The following REC114 variants were observed in gnomAD, a reference collection of about 807,000 sequenced individuals.
REC114 encodes the protein REC114 meiotic recombination protein.
REC114 carries 27 observed loss-of-function variants against 31.3 expected under a neutral mutation model. The observed-to-expected ratio is 0.86, with a 90% confidence interval of 0.64 to 1.19. REC114 has a LOEUF of 1.19. REC114 is among the 50% of genes most tolerant of loss of function. The probability of loss-of-function intolerance (pLI) is 0.00; values close to 1 mark genes in which losing one functional copy is unlikely to be tolerated. For missense variants in REC114, 344 were observed against 326.9 expected, an observed-to-expected ratio of 1.05 and a Z score of -0.40; for synonymous variants, 134 against 127.7, an observed-to-expected ratio of 1.05 and a Z score of -0.33.
chr15:73,473,017 G>C (rs1410928009), intron 1 of REC114, among the ~76,000 whole-genome samples: 2 of 152,110 alleles, frequency 1.3e-5, no homozygotes, highest in Non-Finnish European at 2.9e-5. Flanking sequence ...ATTATGGTAA[G>C]TTTATGGCAC....
chr15:73,550,221 CTAGATGTTTTTACACT>C (rs1165362651), intron 3 of REC114, among the ~76,000 whole-genome samples: 2 of 152,170 alleles, frequency 1.3e-5, no homozygotes, highest in East Asian at 3.8e-4. Context: ...TTGTTATAAT[CTAGATGTTTTTACACT>C]TAGATGTTTT....
intron 2 of REC114, among the ~76,000 whole-genome samples, chr15:73,478,221 G>A (rs962602093): frequency 2.3e-5 from 3 of 132,808 alleles, no homozygotes; most frequent in Non-Finnish European, 1.5e-5. Context: ...CCGACACGGT[G>A]CCACTGCACT....
chr15:73,449,074 CA>C (rs1892807053), intron 1 of REC114, among the ~76,000 whole-genome samples: 1 of 151,952 alleles, frequency 6.6e-6, no homozygotes, highest in African/African-American at 2.4e-5. Context: ...TTCCAAAAAC[CA>C]GAAAACCTCT....
chr15:73,509,335 A>G (rs1390083813), intron 2 of REC114, among the ~76,000 whole-genome samples: 2 of 148,028 alleles, frequency 1.4e-5, no homozygotes, highest in Non-Finnish European at 1.5e-5. Flanking sequence ...TAGATTCTGG[A>G]TATTAGCCCT....
chr15:73,517,338 A>T (rs991330865), intron 2 of REC114, among the ~76,000 whole-genome samples: 6 of 152,324 alleles, frequency 3.9e-5, no homozygotes, highest in Admixed American at 1.3e-4. Context: ...AAATTTTTTT[A>T]AAAGGTATCT....
chr15:73,508,288 T>C (rs1893710572), intron 2 of REC114, among the ~76,000 whole-genome samples: 1 of 152,154 alleles, frequency 6.6e-6, no homozygotes, highest in Non-Finnish European at 1.5e-5. Flanking sequence ...AATTTTAATA[T>C]ATTGTGTGTT....
At chr15:73,548,657 A>C (rs773078140) in intron 3 of REC114, among the ~76,000 whole-genome samples, 6 of 152,212 alleles carry the variant, frequency 3.9e-5, no homozygotes, top group Non-Finnish European at 8.8e-5. Context: ...CAAAGACCTA[A>C]AACACCATCT....
intron 2 of REC114, among the ~76,000 whole-genome samples, chr15:73,527,818 A>C (rs1894026807): frequency 6.6e-6 from 1 of 152,154 alleles, no homozygotes; most frequent in African/African-American, 2.4e-5. Flanking sequence ...GTGACCTTCC[A>C]AATATGAGTG....
chr15:73,513,979 CG>C (rs1567882005), intron 2 of REC114, among the ~76,000 whole-genome samples: 20 of 152,028 alleles, frequency 1.3e-4, no homozygotes, highest in African/African-American at 4.8e-4. Flanking sequence ...CCACCCAGTT[CG>C]AGCTTCCTGG....
At chr15:73,530,784 A>G (rs553551466) in intron 2 of REC114, among the ~76,000 whole-genome samples, 1 of 151,192 alleles carries the variant, frequency 6.6e-6, no homozygotes, top group East Asian at 1.9e-4. Flanking sequence ...TTTGATCCTC[A>G]CAAACTGAGC....
chr15:73,545,825 T>C (rs1894300950), intron 3 of REC114, among the ~76,000 whole-genome samples: 1 of 152,228 alleles, frequency 6.6e-6, no homozygotes, highest in Non-Finnish European at 1.5e-5. Context: ...CAGTTGCTGA[T>C]GTCACTGTCA....
At chr15:73,489,696 G>C (rs114984931) in intron 2 of REC114, among the ~76,000 whole-genome samples, 1 of 150,812 alleles carries the variant, frequency 6.6e-6, no homozygotes, top group African/African-American at 2.4e-5. Context: ...AGGGGAACAC[G>C]TTCAGTCCAT....
chr15:73,484,851 T>C (rs939907108), intron 2 of REC114, among the ~76,000 whole-genome samples: 10 of 152,226 alleles, frequency 6.6e-5, no homozygotes, highest in Non-Finnish European at 1.3e-4. Context: ...CAGCAAATTT[T>C]GGTTTTAGTT....
chr15:73,555,622 A>C (rs1439622612), intron 4 of REC114, among the ~76,000 whole-genome samples: 1 of 152,102 alleles, frequency 6.6e-6, no homozygotes, highest in East Asian at 1.9e-4. Context: ...TTAGGTTCTC[A>C]CTGGGTTGTG....
At chr15:73,453,467 C>G (rs1264339295) in intron 1 of REC114, among the ~76,000 whole-genome samples, 1 of 152,104 alleles carries the variant, frequency 6.6e-6, no homozygotes, top group African/African-American at 2.4e-5. Flanking sequence ...AGTCAGGAAA[C>G]AACAGGTGCT....
intron 3 of REC114, among the ~76,000 whole-genome samples, 165 bp from the exon 4 acceptor site, chr15:73,550,773 A>G (rs777765657): frequency 6.6e-6 from 1 of 152,216 alleles, no homozygotes; most frequent in Non-Finnish European, 1.5e-5. Context: ...AGGGGGAAGA[A>G]AATGAATTAT....
intron 2 of REC114, among the ~76,000 whole-genome samples, chr15:73,525,912 A>G (rs984222627): frequency 2.0e-5 from 3 of 152,196 alleles, no homozygotes; most frequent in Non-Finnish European, 4.4e-5. Context: ...AGTTCTGTCC[A>G]TTACTGAAAA....
intron 2 of REC114, among the ~76,000 whole-genome samples, chr15:73,526,826 G>T (rs1306981630): frequency 6.6e-6 from 1 of 151,988 alleles, no homozygotes; most frequent in Non-Finnish European, 1.5e-5. Flanking sequence ...GCTCACTTTT[G>T]TTGTATTCCT....
rs964909202 is a variant in REC114, at chr15:73,556,480, G to A, written c.636+89G>A. On this transcript the variant is annotated intron_variant, in intron 5 of 5. Coordinates refer to ENST00000331090, the MANE Select transcript of REC114 (RefSeq NM_001042367.2). ...TCCCTTTGTTCAATTCTTTGTTTTA[G>A]GAGAGAAACTTCTAAAGCATTACTC... The A allele has an allele frequency of 8.2e-6, 9 of 1,092,520 alleles. 1 individual carries two copies. The highest frequency in any genetic ancestry group is 5.1e-5 in the Admixed American group (2 of 39,484). The allele number at this position is 1,092,520 out of a possible 1,614,324, so 67.7% of individuals were successfully genotyped here.
Sources: allele counts gnomAD v4.1 joint callset (sites outside exome capture counted in the v4.1 genomes callset), GRCh38; gene constraint gnomAD v4.1.1; transcripts MANE v1.5; gene names NCBI Gene and HGNC (gene_info 2026-07-23, HGNC 2026-07-21).